The following ADGRV1 variants were observed in gnomAD, a reference collection of about 807,000 sequenced individuals.
ADGRV1 encodes G-protein coupled receptor 98.
A neutral mutation model predicts 596.2 loss-of-function variants in ADGRV1; 359 were observed. The observed-to-expected ratio is 0.60, with a 90% CI of 0.55 to 0.66. ADGRV1 has a LOEUF of 0.66. Among genes scored for constraint, ADGRV1 ranks in the 30% least tolerant of loss-of-function variants. ADGRV1 has a pLI of 0.00. For missense variants in ADGRV1, 7,274 were observed against 7,575.6 expected (o/e 0.96, Z 1.48); for synonymous variants, 2,681 against 2,679.2 (o/e 1.00, Z -0.02).
intron 59 of ADGRV1, among the ~76,000 whole-genome samples, chr5:90,766,676 AG>A (rs1347788970): frequency 1.3e-5 from 2 of 152,228 alleles, no homozygotes; most frequent in Non-Finnish European, 2.9e-5. Context: ...TCTACTTTGA[AG>A]GGGGAACATA....
chr5:90,706,195 A>G (rs779522116), intron 37 of ADGRV1, 36 bp from the exon 38 acceptor site: 1 of 1,570,932 alleles, frequency 6.4e-7, no homozygotes, highest in Admixed American at 1.9e-5. Flanking sequence ...AAACATTTAG[A>G]TAATTATAAA....
chr5:90,802,053 C>T (rs997456785), intron 70 of ADGRV1, among the ~76,000 whole-genome samples: 2 of 152,028 alleles, frequency 1.3e-5, no homozygotes, highest in African/African-American at 4.8e-5. Context: ...TGAGTTTTGC[C>T]AAGTTTATAG....
intron 86 of ADGRV1, among the ~76,000 whole-genome samples, chr5:91,100,121 C>A (rs922272439): frequency 6.6e-6 from 1 of 152,004 alleles, no homozygotes; most frequent in African/African-American, 2.4e-5. Context: ...AACTTGGCAT[C>A]GAAATAAACA....
At chr5:91,083,450 A>G (rs1789593608) in intron 86 of ADGRV1, among the ~76,000 whole-genome samples, 1 of 152,252 alleles carries the variant, frequency 6.6e-6, no homozygotes, top group Admixed American at 6.5e-5. Flanking sequence ...GCTGTACTCA[A>G]CAGTTTACAT....
At chr5:90,685,206 CTGTTT>C (rs201370905) in intron 28 of ADGRV1, among the ~76,000 whole-genome samples, 1 of 143,380 alleles carries the variant, frequency 7.0e-6, no homozygotes, top group East Asian at 2.4e-4. Context: ...CAGGGACATT[CTGTTT>C]AGTTTATTTT....
rs16869076 is a variant in ADGRV1, at chr5:90,750,927, T to C, written c.11121+230T>C. Reference sequence around the variant, plus strand: ...AATTGTCCTTTAAAAAGTCATTCTTTCTGAGTTTCAGTACATTCGTTGGCC... The same window carrying C: ...AATTGTCCTTTAAAAAGTCATTCTTCCTGAGTTTCAGTACATTCGTTGGCC... On this transcript the variant is annotated intron_variant, in intron 53 of 89. Coordinates refer to ENST00000405460, the MANE Select transcript of ADGRV1 (RefSeq NM_032119.4). 0.026 allele frequency among the ~76,000 whole-genome samples: 3,894 copies of C among 152,310 alleles called. 167 individuals carry two copies. The highest frequency in any genetic ancestry group is 0.09 in the African/African-American group (3,752 of 41,546).
chr5:91,008,548 G>T (rs1196959351), intron 85 of ADGRV1, among the ~76,000 whole-genome samples: 1 of 151,876 alleles, frequency 6.6e-6, no homozygotes, highest in African/African-American at 2.4e-5. Context: ...CTGTCACCCA[G>T]GCTGGAGTGC....
chr5:90,629,535 T>C lies in ADGRV1; in HGVS notation c.1835T>C (p.Val612Ala). The C allele has an allele frequency of 1.2e-6, 2 of 1,600,440 alleles. No homozygotes were observed. Among genetic ancestry groups the C allele is most frequent in the Non-Finnish European group, 1.7e-6 (2 of 1,171,184 alleles). Reference protein sequence around the residue: ...AFLQNGAHFLVQLETVELLNI... With the variant: ...AFLQNGAHFLAQLETVELLNI... The stretch of plus-strand genomic sequence containing the variant: ...CTTCAAAATGGAGCTCACTTTCTAG[T>C]ACAGGTACTTGTATGATTAAAATAA... The change falls in exon 9 of 90, where the codon GTA (valine) becomes GCA (alanine). Residue 612 changes from valine to alanine, a missense_variant. Val to Ala is a moderately conservative substitution (Grantham distance 64). Around this residue, in one of 5 missense-constraint regions of ADGRV1, gnomAD observed 1,715 missense variants for 1,708.8 expected, o/e 1.00. Coordinates refer to ENST00000405460, the MANE Select transcript of ADGRV1 (RefSeq NM_032119.4).
At chr5:91,035,850 ATATATATATATTAT>A (rs1186143497) in intron 85 of ADGRV1, among the ~76,000 whole-genome samples, 1 of 87,676 alleles carries the variant, frequency 1.1e-5, no homozygotes, top group Non-Finnish European at 2.4e-5. Context: ...GTGTGTATAT[ATATATATATATTAT>A]ATATATATAT....
At chr5:90,691,172 G>A (rs1360230382) in intron 31 of ADGRV1, 131 bp downstream of exon 31, 1 of 1,183,182 alleles carries the variant, frequency 8.5e-7, no homozygotes, top group Non-Finnish European at 1.3e-6. Flanking sequence ...TTCAAACTAT[G>A]CTAGTGTGAA....
At chr5:90,813,169 T>G (rs1762602224) in intron 74 of ADGRV1, among the ~76,000 whole-genome samples, 1 of 28,850 alleles carries the variant, frequency 3.5e-5, no homozygotes, top group African/African-American at 5.5e-5. Context: ...AAAAAATTTA[T>G]TTGGCAGTCA....
intron 1 of ADGRV1, among the ~76,000 whole-genome samples, chr5:90,589,855 A>ATCTAGGG (rs1759244528): frequency 6.6e-6 from 1 of 152,204 alleles, no homozygotes; most frequent in African/African-American, 2.4e-5. Context: ...TATGGAAAAC[A>ATCTAGGG]TAGAAAAGCA....
intron 85 of ADGRV1, among the ~76,000 whole-genome samples, chr5:91,037,951 T>C (rs753654622): frequency 2.4e-4 from 37 of 152,244 alleles, no homozygotes; most frequent in Non-Finnish European, 4.7e-4. Context: ...ATTAAAATTA[T>C]TGTCCAAAAA....
chr5:91,011,591 G>A (rs1173763376), intron 85 of ADGRV1, among the ~76,000 whole-genome samples: 1 of 151,934 alleles, frequency 6.6e-6, no homozygotes, highest in Non-Finnish European at 1.5e-5. Context: ...AATACATTGT[G>A]TATATATCCA....
At chr5:90,725,429 G>T in intron 47 of ADGRV1, 120 bp from the exon 48 acceptor site, 1 of 713,146 alleles carries the variant, frequency 1.4e-6, no homozygotes, top group Admixed American at 3.0e-5. Flanking sequence ...GTTATGTGTA[G>T]CTTGGTATTA....
chr5:90,738,836 T>C (rs1034360345), intron 50 of ADGRV1, among the ~76,000 whole-genome samples: 1 of 152,160 alleles, frequency 6.6e-6, no homozygotes, highest in Non-Finnish European at 1.5e-5. Flanking sequence ...GTGTTGTCTT[T>C]CCCCAGATTT....
chr5:90,706,482 C>G (rs1748622738), intron 38 of ADGRV1, 88 bp downstream of exon 38: 4 of 1,167,544 alleles, frequency 3.4e-6, no homozygotes, highest in Non-Finnish European at 4.7e-6. Context: ...TACAAGTGCA[C>G]AATGTGCAGG....
intron 31 of ADGRV1, among the ~76,000 whole-genome samples, chr5:90,692,354 C>A (rs1211172412): frequency 6.6e-6 from 1 of 151,750 alleles, no homozygotes; most frequent in Non-Finnish European, 1.5e-5. Flanking sequence ...GATTATATAA[C>A]AATATTAAGG....
At chr5:91,006,234 T>G (rs1220058646) in intron 85 of ADGRV1, among the ~76,000 whole-genome samples, 1 of 152,164 alleles carries the variant, frequency 6.6e-6, no homozygotes, top group Non-Finnish European at 1.5e-5. Context: ...TGAAGGGGAA[T>G]ACAGGTACAG....
Sources: allele counts gnomAD v4.1 joint callset (sites outside exome capture counted in the v4.1 genomes callset), GRCh38; gene constraint gnomAD v4.1.1; regional missense constraint gnomAD v4.1.1; transcripts MANE v1.5; gene names NCBI Gene and HGNC (gene_info 2026-07-23, HGNC 2026-07-21).